Variants in SLC25A13 observed in about 807,000 individuals in gnomAD.
SLC25A13 encodes solute carrier family 25 member 13.
SLC25A13 carries 70 observed loss-of-function variants against 85.5 expected under a neutral mutation model. That is an observed-to-expected ratio of 0.82 (90% CI 0.68 to 1.00). SLC25A13 has a LOEUF of 1.00. Ranked by LOEUF, SLC25A13 falls within the 50% of genes least tolerant of loss-of-function variation. The pLI is 0.00. For synonymous variants in SLC25A13, 259 were observed against 288.7 expected (o/e 0.90, Z 1.04); for missense variants, 765 against 819.8 (o/e 0.93, Z 0.82).
intron 15 of SLC25A13, among the ~76,000 whole-genome samples, chr7:96,124,292 C>G (rs1791635880): frequency 6.6e-6 from 1 of 152,096 alleles, no homozygotes; most frequent in African/African-American, 2.4e-5. Flanking sequence ...AGGTTAATAT[C>G]TATTTATTTT....
intron 5 of SLC25A13, among the ~76,000 whole-genome samples, chr7:96,205,644 G>C (rs1457400290): frequency 1.3e-5 from 2 of 152,172 alleles, no homozygotes; most frequent in Non-Finnish European, 2.9e-5. Flanking sequence ...GTTCAAATCA[G>C]TCAAGTTTAG....
At chr7:96,210,808 C>G (rs116218850) in intron 4 of SLC25A13, among the ~76,000 whole-genome samples, 5,214 of 152,082 alleles carry the variant, frequency 0.034, 230 homozygotes, top group African/African-American at 0.1. Context: ...AAATTTTATA[C>G]TAGAATAAAA....
At chr7:96,204,201 T>C (rs1447434048) in intron 5 of SLC25A13, among the ~76,000 whole-genome samples, 1 of 152,218 alleles carries the variant, frequency 6.6e-6, no homozygotes, top group African/African-American at 2.4e-5. Flanking sequence ...ATTGGGAGGA[T>C]GCTATTATCA....
At chr7:96,210,541 T>A (rs1001555708) in intron 4 of SLC25A13, among the ~76,000 whole-genome samples, 1 of 152,202 alleles carries the variant, frequency 6.6e-6, no homozygotes, top group African/African-American at 2.4e-5. Flanking sequence ...ACTCACCATG[T>A]GCCAAGTATT....
At chr7:96,192,682 C>CT (rs1208402506) in intron 6 of SLC25A13, among the ~76,000 whole-genome samples, 2 of 56,664 alleles carry the variant, frequency 3.5e-5, no homozygotes, top group African/African-American at 9.9e-5. Context: ...TACATGTGCA[C>CT]TATTTTTTTT....
Position 96,128,947 on chromosome 7 carries a change from T to G in SLC25A13, c.1591+2796A>C, listed in dbSNP as rs796645519. 7.7e-4 allele frequency among the ~76,000 whole-genome samples: 108 copies of G among 139,420 alleles called. 1 individual carries two copies. The highest frequency in any genetic ancestry group is 2.8e-3 in the African/African-American group (101 of 35,750). 91.5% of individuals were successfully genotyped at this position (139,420 alleles called of 152,430 possible). ...CAGCTTCTGCCTTGCTTGCTCTCTC[T>G]CTCTCTCTCTCTCTCTCTCTCTCTC... On this transcript the variant is annotated intron_variant, in intron 15 of 17. Transcript: ENST00000265631.
intron 9 of SLC25A13, among the ~76,000 whole-genome samples, chr7:96,187,082 T>C (rs902003981): frequency 1.3e-5 from 2 of 152,222 alleles, no homozygotes; most frequent in African/African-American, 4.8e-5. Flanking sequence ...CACAGTGTTT[T>C]TGATGCCAGA....
At position 96,230,452 on chromosome 7, in the gene SLC25A13, C is replaced by A. The variant is rs138448564; in HGVS notation, c.328+4350G>T. On this transcript the variant is annotated intron_variant, in intron 4 of 17. Transcript: ENST00000265631. ...TTAACACCATTTGTATATTCTTCTG[C>A]ATGTATGCTGTCATTCAACAAAGTG... is the stretch of plus-strand genomic sequence containing the variant. 4.1e-3 allele frequency among the ~76,000 whole-genome samples: 627 copies of A among 152,304 alleles called. 4 individuals are homozygous for A. Among genetic ancestry groups the A allele is most frequent in the African/African-American group, 0.014 (590 of 41,550 alleles).
intron 1 of SLC25A13, among the ~76,000 whole-genome samples, chr7:96,311,605 A>G (rs1799954219): frequency 6.6e-6 from 1 of 152,214 alleles, no homozygotes; most frequent in Non-Finnish European, 1.5e-5. Context: ...TGTGTGGACT[A>G]TATCTGAATA....
intron 2 of SLC25A13, among the ~76,000 whole-genome samples, chr7:96,283,177 T>G (rs1050498549): frequency 1.3e-5 from 2 of 152,230 alleles, no homozygotes; most frequent in African/African-American, 2.4e-5. Flanking sequence ...ATACTATCAT[T>G]ACAGTGCTGT....
At chr7:96,128,791 AATAAT>A (rs1791849999) in intron 15 of SLC25A13, among the ~76,000 whole-genome samples, 2 of 148,706 alleles carry the variant, frequency 1.3e-5, no homozygotes, top group Admixed American at 6.7e-5. Flanking sequence ...TAATAATAAT[AATAAT>A]AAAAGTCAAT....
At chr7:96,152,452 A>C (rs1793089323) in intron 13 of SLC25A13, among the ~76,000 whole-genome samples, 1 of 152,202 alleles carries the variant, frequency 6.6e-6, no homozygotes, top group Admixed American at 6.5e-5. Context: ...TCTATACTGA[A>C]TAGAGGTGGC....
intron 9 of SLC25A13, 31 bp downstream of exon 9, chr7:96,189,263 C>A: frequency 6.2e-7 from 1 of 1,604,200 alleles, no homozygotes. Flanking sequence ...TAAGGAAACC[C>A]CAGAATGCAA....
chr7:96,309,853 C>T (rs1168022286), intron 1 of SLC25A13, among the ~76,000 whole-genome samples: 2 of 152,128 alleles, frequency 1.3e-5, no homozygotes, highest in Non-Finnish European at 2.9e-5. Flanking sequence ...CCCAGCCCCT[C>T]GGAAGATGAC....
At chr7:96,123,255 G>A (rs942597370) in intron 15 of SLC25A13, among the ~76,000 whole-genome samples, 4 of 152,086 alleles carry the variant, frequency 2.6e-5, no homozygotes, top group African/African-American at 9.7e-5. Flanking sequence ...TTAACTTTGG[G>A]CCAGGAATTT....
intron 15 of SLC25A13, among the ~76,000 whole-genome samples, chr7:96,129,360 C>T (rs1308785316): frequency 6.6e-6 from 1 of 152,096 alleles, no homozygotes; most frequent in Non-Finnish European, 1.5e-5. Context: ...CTAACATCAC[C>T]ACAGGGATGC....
At chr7:96,126,753 A>C (rs1348739237) in intron 15 of SLC25A13, among the ~76,000 whole-genome samples, 1 of 152,120 alleles carries the variant, frequency 6.6e-6, no homozygotes, top group African/African-American at 2.4e-5. Context: ...GCCAATAAAG[A>C]ATTTTTTAAA....
At chr7:96,146,493 T>C (rs1398190341) in intron 14 of SLC25A13, 63 bp downstream of exon 14, 30 of 1,573,358 alleles carry the variant, frequency 1.9e-5, no homozygotes, top group South Asian at 2.3e-5. Flanking sequence ...TGTTGAAGAA[T>C]AGTTTCTGCA....
chr7:96,163,780 G>A (rs1381075000), intron 13 of SLC25A13, among the ~76,000 whole-genome samples: 1 of 152,146 alleles, frequency 6.6e-6, no homozygotes, highest in African/African-American at 2.4e-5. Context: ...AGAGATTTCA[G>A]GAGCACCTGA....
Sources: allele counts gnomAD v4.1 joint callset (sites outside exome capture counted in the v4.1 genomes callset), GRCh38; gene constraint gnomAD v4.1.1; transcripts MANE v1.5; gene names NCBI Gene and HGNC (gene_info 2026-07-23, HGNC 2026-07-21).